DSCAM: variants seen among roughly 807,000 people sequenced by gnomAD.
DSCAM encodes the protein DS cell adhesion molecule.
DSCAM carries 47 observed loss-of-function variants against 217.7 expected under a neutral mutation model. The ratio of observed to expected loss-of-function variants is 0.22; its 90% CI spans 0.17 to 0.28. The LOEUF is 0.28. Ranked by LOEUF, DSCAM falls within the 10% of genes least tolerant of loss-of-function variation. DSCAM has a pLI of 1.00. For missense variants in DSCAM, 2,080 were observed against 2,618.3 expected (o/e 0.79, Z 4.49); for synonymous variants, 1,056 against 1,015.3 (o/e 1.04, Z -0.76).
At chr21:40,661,927 GA>G (rs2090142745) in intron 3 of DSCAM, among the ~76,000 whole-genome samples, 2 of 152,164 alleles carry the variant, frequency 1.3e-5, no homozygotes, top group Admixed American at 6.5e-5. Context: ...TTTGAGGGAA[GA>G]AAACCCTAAA....
chr21:40,309,346 T>G (rs1004245731), intron 9 of DSCAM, among the ~76,000 whole-genome samples: 1 of 152,186 alleles, frequency 6.6e-6, no homozygotes, highest in African/African-American at 2.4e-5. Flanking sequence ...ACTCTTGGTT[T>G]TCCTCTTTGT....
chr21:40,797,367 A>G (rs1248247715), intron 1 of DSCAM, among the ~76,000 whole-genome samples: 1 of 152,200 alleles, frequency 6.6e-6, no homozygotes, highest in Admixed American at 6.5e-5. Context: ...TGCGAAACCC[A>G]GTAGCAGTGA....
chr21:40,810,937 T>C (rs550617282), intron 1 of DSCAM, among the ~76,000 whole-genome samples: 97 of 151,812 alleles, frequency 6.4e-4, no homozygotes, highest in Non-Finnish European at 1.1e-3. Flanking sequence ...AAAATAATTT[T>C]TTCACTTGGG....
At chr21:40,153,353 C>T (rs1478965563) in intron 16 of DSCAM, among the ~76,000 whole-genome samples, 8 of 152,146 alleles carry the variant, frequency 5.3e-5, no homozygotes, top group Non-Finnish European at 1.0e-4. Flanking sequence ...AAATCGTGGT[C>T]AGAAGGATTG....
intron 3 of DSCAM, among the ~76,000 whole-genome samples, chr21:40,632,766 GAC>G (rs1185096954): frequency 6.6e-6 from 1 of 152,126 alleles, no homozygotes; most frequent in Non-Finnish European, 1.5e-5. Flanking sequence ...CTTTTAGAAA[GAC>G]CACTACACTT....
In DSCAM at chr21:40,012,903, T is replaced by TC; in HGVS notation, c.*130_*131insG. 3.3e-6 allele frequency: 2 copies of TC among 611,114 alleles called. No homozygotes were observed. Among genetic ancestry groups the TC allele is most frequent in the Non-Finnish European group, 4.6e-6 (2 of 430,694 alleles). 37.9% of individuals were successfully genotyped at this position (611,114 alleles called of 1,614,324 possible). On this transcript the variant is annotated 3_prime_UTR_variant, in exon 33 of 33. Coordinates refer to ENST00000400454, the MANE Select transcript of DSCAM (RefSeq NM_001389.5). ...TTGCACTGTCTGTGGTTTCAGTATT[T>TC]TCTCTTTTTTTTTTTTAATATATTT...
intron 1 of DSCAM, among the ~76,000 whole-genome samples, chr21:40,718,152 G>A (rs760100383): frequency 6.6e-6 from 1 of 152,202 alleles, no homozygotes; most frequent in Non-Finnish European, 1.5e-5. Flanking sequence ...ATTACAAAGA[G>A]AGCCTACAAG....
intron 11 of DSCAM, among the ~76,000 whole-genome samples, chr21:40,259,798 C>T (rs140782467): frequency 0.012 from 1,833 of 150,974 alleles, 21 homozygotes; most frequent in African/African-American, 0.02. Context: ...CTCAGCCTCC[C>T]GAGTAGCTGG....
chr21:40,723,793 A>ATTTCT (rs1359374811), intron 1 of DSCAM, among the ~76,000 whole-genome samples: 1 of 152,206 alleles, frequency 6.6e-6, no homozygotes, highest in Non-Finnish European at 1.5e-5. Context: ...GACAAAAAGA[A>ATTTCT]TTTCTGAGGT....
intron 2 of DSCAM, among the ~76,000 whole-genome samples, chr21:40,706,195 AAG>A (rs1378827811): frequency 0.025 from 3,645 of 146,972 alleles, 93 homozygotes; most frequent in African/African-American, 0.051. Flanking sequence ...AAAAAAAAAA[AAG>A]AAAGAAAGAA....
intron 16 of DSCAM, among the ~76,000 whole-genome samples, chr21:40,166,021 T>C (rs932440865): frequency 1.3e-5 from 2 of 152,174 alleles, no homozygotes; most frequent in African/African-American, 4.8e-5. Context: ...ACACAACTCA[T>C]TGGCTGCGGT....
chr21:40,588,461 A>T (rs1243202854), intron 3 of DSCAM, among the ~76,000 whole-genome samples: 1 of 152,214 alleles, frequency 6.6e-6, no homozygotes, highest in Non-Finnish European at 1.5e-5. Context: ...TATAATAAAC[A>T]TGAACAAATG....
intron 1 of DSCAM, among the ~76,000 whole-genome samples, chr21:40,816,324 A>G (rs2091881524): frequency 6.6e-6 from 1 of 152,140 alleles, no homozygotes. Context: ...CCAAATAAAA[A>G]GAGGGGGTGA....
At chr21:40,172,939 TA>T (rs1352511704) in intron 15 of DSCAM, among the ~76,000 whole-genome samples, 1 of 152,190 alleles carries the variant, frequency 6.6e-6, no homozygotes, top group African/African-American at 2.4e-5. Flanking sequence ...CAGTATTTAG[TA>T]AAAATCAAAA....
intron 11 of DSCAM, among the ~76,000 whole-genome samples, chr21:40,232,055 AC>A (rs2091386750): frequency 6.6e-6 from 1 of 152,016 alleles, no homozygotes; most frequent in Non-Finnish European, 1.5e-5. Context: ...ATCATTGTTT[AC>A]CCCACAATGA....
intron 11 of DSCAM, among the ~76,000 whole-genome samples, chr21:40,200,775 C>A: frequency 6.6e-6 from 1 of 152,148 alleles, no homozygotes; most frequent in East Asian, 1.9e-4. Flanking sequence ...TGAGACCTGC[C>A]GCCTCCTAAG....
At chr21:40,187,485 G>C (rs2090908116) in intron 13 of DSCAM, among the ~76,000 whole-genome samples, 1 of 152,168 alleles carries the variant, frequency 6.6e-6, no homozygotes, top group Admixed American at 6.6e-5. Flanking sequence ...GACCAAGCCT[G>C]GAGGATATAA....
chr21:40,338,064 G>C, intron 8 of DSCAM, 37 bp downstream of exon 8: 2 of 1,604,918 alleles, frequency 1.2e-6, no homozygotes, highest in South Asian at 1.1e-5. Context: ...TCGGGCTATG[G>C]AATGAGTTGT....
chr21:40,746,379 A>AAG (rs1159298602), intron 1 of DSCAM, among the ~76,000 whole-genome samples: 1 of 151,568 alleles, frequency 6.6e-6, no homozygotes, highest in Non-Finnish European at 1.5e-5. Context: ...TTGAAGCAAA[A>AAG]AAAAAAAGCA....
Sources: allele counts gnomAD v4.1 joint callset (sites outside exome capture counted in the v4.1 genomes callset), GRCh38; gene constraint gnomAD v4.1.1; transcripts MANE v1.5; gene names NCBI Gene and HGNC (gene_info 2026-07-23, HGNC 2026-07-21).